The following DNAH9 variants were observed in gnomAD, a reference collection of about 807,000 sequenced individuals.
The protein encoded by DNAH9 is dynein axonemal heavy chain 9.
DNAH9 carries 345 observed loss-of-function variants against 471.6 expected under a neutral mutation model. That is an observed-to-expected ratio of 0.73 (90% CI 0.67 to 0.80). DNAH9 has a LOEUF of 0.80. DNAH9 is among the 30% of genes least tolerant of loss of function. The pLI, the probability that DNAH9 is intolerant of heterozygous loss-of-function variation, is 0.00. For missense variants in DNAH9, 5,407 were observed against 5,609.2 expected, an observed-to-expected ratio of 0.96 and a Z score of 1.15; for synonymous variants, 2,093 against 2,123.6, an observed-to-expected ratio of 0.99 and a Z score of 0.40.
chr17:11,627,044 C>G (rs971399640), intron 6 of DNAH9, among the ~76,000 whole-genome samples: 2 of 152,072 alleles, frequency 1.3e-5, no homozygotes, highest in Non-Finnish European at 2.9e-5. Flanking sequence ...GATAAGCGCT[C>G]TGAATAAGCA....
chr17:11,804,730 C>G (rs1463284328), intron 43 of DNAH9, among the ~76,000 whole-genome samples: 1 of 151,888 alleles, frequency 6.6e-6, no homozygotes, highest in South Asian at 2.1e-4. Flanking sequence ...AAAAATTAGC[C>G]GAGCGTGGTG....
At chr17:11,674,912 C>A (rs1049609522) in intron 17 of DNAH9, among the ~76,000 whole-genome samples, 10 of 152,152 alleles carry the variant, frequency 6.6e-5, no homozygotes, top group African/African-American at 2.2e-4. Context: ...TCTGGCAGGG[C>A]AGGTCTCCAC....
chr17:11,660,561 G>A (rs1223890104), intron 14 of DNAH9, among the ~76,000 whole-genome samples: 1 of 152,054 alleles, frequency 6.6e-6, no homozygotes, highest in Non-Finnish European at 1.5e-5. Flanking sequence ...GGTCTCAAAT[G>A]ATCCACCTGC....
intron 43 of DNAH9, among the ~76,000 whole-genome samples, chr17:11,799,355 A>T (rs1336156566): frequency 6.6e-6 from 1 of 150,848 alleles, no homozygotes; most frequent in South Asian, 2.1e-4. Flanking sequence ...CTTTTTAAAA[A>T]TTTTATTTTA....
intron 1 of DNAH9, among the ~76,000 whole-genome samples, chr17:11,606,443 C>CTTTTTT (rs1404986645): frequency 0.047 from 3,220 of 69,028 alleles, 211 homozygotes; most frequent in Middle Eastern, 0.083. Flanking sequence ...CTTTTCTTTT[C>CTTTTTT]TTTTCTTTTC....
At chr17:11,951,370 T>A (rs1186505565) in intron 67 of DNAH9, among the ~76,000 whole-genome samples, 1 of 152,190 alleles carries the variant, frequency 6.6e-6, no homozygotes, top group Non-Finnish European at 1.5e-5. Flanking sequence ...AAATTTGTAC[T>A]AAAACTGGCA....
intron 49 of DNAH9, among the ~76,000 whole-genome samples, chr17:11,847,259 T>C (rs1423417626): frequency 6.6e-6 from 1 of 152,210 alleles, no homozygotes; most frequent in East Asian, 1.9e-4. Flanking sequence ...TTGCTTTTGG[T>C]ATCTTTGTCA....
At chr17:11,916,795 A>G (rs1013839686) in intron 61 of DNAH9, among the ~76,000 whole-genome samples, 2 of 152,286 alleles carry the variant, frequency 1.3e-5, no homozygotes, top group Admixed American at 1.3e-4. Context: ...GTAGAGTTTT[A>G]AAACCCCTAG....
chr17:11,946,823 G>T (rs1241072118), intron 67 of DNAH9, among the ~76,000 whole-genome samples: 1 of 152,148 alleles, frequency 6.6e-6, no homozygotes, highest in East Asian at 1.9e-4. Flanking sequence ...AGGGAGACAG[G>T]TCTACCCATG....
Position 11,608,195 on chromosome 17 carries a change from G to A in DNAH9, c.484G>A (p.Val162Ile). The change falls in exon 2 of 69, where the codon GTC (valine) becomes ATC (isoleucine). Residue 162 changes from valine (V) to isoleucine (I), a missense_variant. Val to Ile is a conservative substitution (Grantham distance 29). Around this residue, in one of 3 missense-constraint regions of DNAH9, gnomAD observed 767 missense variants for 692.5 expected, o/e 1.11. Coordinates refer to ENST00000262442, the MANE Select transcript of DNAH9 (RefSeq NM_001372.4). ...LNWPHMICED[V>I]RRHAHSLQCD... ...CTGGCCCCACATGATATGTGAGGATGTCAGGCGGCACGCCCACAGCCTCCA... is the reference window on the plus strand; with the variant it reads ...CTGGCCCCACATGATATGTGAGGATATCAGGCGGCACGCCCACAGCCTCCA... The A allele has an allele frequency of 6.2e-7, 1 of 1,613,982 alleles. No individual in the cohort carries two copies. Among genetic ancestry groups the A allele is most frequent in the African/African-American group, 1.3e-5 (1 of 75,050 alleles).
chr17:11,641,382 C>T (rs539344559), intron 10 of DNAH9, among the ~76,000 whole-genome samples: 1 of 152,200 alleles, frequency 6.6e-6, no homozygotes, highest in South Asian at 2.1e-4. Flanking sequence ...CATTTTTTCT[C>T]AAACTCTGTG....
At chr17:11,826,019 A>G (rs1245732058) in intron 48 of DNAH9, among the ~76,000 whole-genome samples, 1 of 152,220 alleles carries the variant, frequency 6.6e-6, no homozygotes, top group Non-Finnish European at 1.5e-5. Flanking sequence ...AAGGACTGAC[A>G]GCTGGTCAGG....
At chr17:11,877,145 A>C (rs1385307523) in intron 53 of DNAH9, among the ~76,000 whole-genome samples, 1 of 151,838 alleles carries the variant, frequency 6.6e-6, no homozygotes, top group African/African-American at 2.4e-5. Flanking sequence ...TTTTACCACA[A>C]TTTAAATATA....
At chr17:11,658,757 A>G (rs535500209) in intron 14 of DNAH9, among the ~76,000 whole-genome samples, 3 of 152,260 alleles carry the variant, frequency 2.0e-5, no homozygotes, top group South Asian at 2.1e-4. Flanking sequence ...TGAGGTGGTT[A>G]TATAATTTTA....
intron 43 of DNAH9, among the ~76,000 whole-genome samples, chr17:11,799,576 G>A (rs11650055): frequency 2.6e-5 from 4 of 151,320 alleles, no homozygotes; most frequent in Non-Finnish European, 5.9e-5. Flanking sequence ...GGGCTAGACC[G>A]CACTGTCTTT....
At chr17:11,760,181 G>A (rs547278706) in intron 35 of DNAH9, among the ~76,000 whole-genome samples, 6 of 152,276 alleles carry the variant, frequency 3.9e-5, no homozygotes, top group East Asian at 1.9e-4. Context: ...CCATGACTTC[G>A]CTATTGTGAA....
rs920774245 is a variant in DNAH9 at position 11,664,060 on chromosome 17, T to C, written c.2596-773T>C. Among the ~76,000 whole-genome samples the C allele has an allele frequency of 2.6e-5, 4 of 152,226 alleles. No individual in the cohort carries two copies. The East Asian group carries it at 7.7e-4, about 29-fold the overall frequency. On this transcript the variant is annotated intron_variant, in intron 14 of 68. Transcript: ENST00000262442. ...AAAGTTACGTCTGCAAGTTAGTTCC[T>C]GATTTTTCTGAAGATATTAGATAAC... is the stretch of plus-strand genomic sequence containing the variant.
At chr17:11,771,541 A>G (rs1968204775) in intron 38 of DNAH9, among the ~76,000 whole-genome samples, 2 of 152,204 alleles carry the variant, frequency 1.3e-5, no homozygotes, top group South Asian at 2.1e-4. Flanking sequence ...TGAAGCCTCA[A>G]TACTATCATA....
chr17:11,892,396 T>G lies in DNAH9; in HGVS notation c.11283+449T>G, dbSNP rs1265265876. 1.3e-5 allele frequency among the ~76,000 whole-genome samples: 2 copies of G among 152,194 alleles called. No individual in the cohort carries two copies. The highest frequency in any genetic ancestry group is 2.4e-5 in the African/African-American group (1 of 41,438). On this transcript the variant is annotated intron_variant, in intron 58 of 68. Transcript: ENST00000262442. The surrounding 1 kb of genome is among the most constrained non-coding windows in gnomAD (Gnocchi z 4.3). ...CCCCCGGGATAAGAAATTGCACAGG[T>G]CTTTCCACAACTGTAGCAGCCTTGA...
Sources: allele counts gnomAD v4.1 joint callset (sites outside exome capture counted in the v4.1 genomes callset), GRCh38; gene constraint gnomAD v4.1.1; regional missense constraint gnomAD v4.1.1; non-coding constraint Gnocchi (gnomAD v3.1); transcripts MANE v1.5; gene names NCBI Gene and HGNC (gene_info 2026-07-23, HGNC 2026-07-21).